Variants in GABRB3 observed in about 807,000 individuals in gnomAD.
GABRB3 encodes the protein gamma-aminobutyric acid type A receptor subunit beta3.
Under a neutral mutation model 52.1 loss-of-function variants are expected in GABRB3, and 14 were observed. That is an observed-to-expected ratio of 0.27 (90% CI 0.18 to 0.42). GABRB3 has a LOEUF of 0.42. Ranked by LOEUF, GABRB3 falls within the 10% of genes least tolerant of loss-of-function variation. The pLI is 1.00. For missense variants in GABRB3, 307 were observed against 609.1 expected (o/e 0.50, Z 5.22); for synonymous variants, 260 against 232.3 (o/e 1.12, Z -1.08).
At chr15:26,696,715 G>A (rs8039400) in intron 3 of GABRB3, among the ~76,000 whole-genome samples, 3,639 of 152,150 alleles carry the variant, frequency 0.024, 142 homozygotes, top group African/African-American at 0.083. Context: ...CTTTTGCCAC[G>A]TCGACCCATT....
intron 3 of GABRB3, among the ~76,000 whole-genome samples, chr15:26,664,021 T>TA (rs1255982432): frequency 2.6e-5 from 4 of 152,200 alleles, no homozygotes; most frequent in African/African-American, 9.6e-5. Context: ...TCCCATCTTT[T>TA]AAAATAGAAA....
chr15:26,734,517 T>C (rs1238764275), intron 3 of GABRB3, among the ~76,000 whole-genome samples: 1 of 151,966 alleles, frequency 6.6e-6, no homozygotes, highest in Non-Finnish European at 1.5e-5. Context: ...AGGTGGCTCA[T>C]GCCTGCAATC....
chr15:26,680,350 T>A (rs916459287), intron 3 of GABRB3, among the ~76,000 whole-genome samples: 1 of 152,186 alleles, frequency 6.6e-6, no homozygotes, highest in African/African-American at 2.4e-5. Context: ...GACAGGCACT[T>A]TATCACTCTT....
chr15:26,563,541 G>A (rs1890061596), intron 7 of GABRB3, among the ~76,000 whole-genome samples: 1 of 152,212 alleles, frequency 6.6e-6, no homozygotes, highest in Non-Finnish European at 1.5e-5. Context: ...GCCCAGCTCT[G>A]CCTCTGTGGG....
intron 3 of GABRB3, among the ~76,000 whole-genome samples, chr15:26,749,639 G>A (rs1195860263): frequency 6.6e-6 from 1 of 152,198 alleles, no homozygotes; most frequent in Non-Finnish European, 1.5e-5. Flanking sequence ...CTGCTGAAAC[G>A]AGGAGGAAGT....
At chr15:26,617,618 C>T (rs1892307394) in intron 4 of GABRB3, among the ~76,000 whole-genome samples, 2 of 151,560 alleles carry the variant, frequency 1.3e-5, no homozygotes, top group African/African-American at 4.9e-5. Flanking sequence ...ACAGGGATGC[C>T]CTCTCTCACC....
At chr15:26,699,512 T>G (rs1888857999) in intron 3 of GABRB3, among the ~76,000 whole-genome samples, 1 of 151,556 alleles carries the variant, frequency 6.6e-6, no homozygotes, top group African/African-American at 2.4e-5. Context: ...AACTCAAAAC[T>G]TTTTTAAATG....
In GABRB3 at chr15:26,772,604, G is replaced by A. The variant is rs1486613068; in HGVS notation, c.172+77C>T. 23 of 1,436,192 alleles carry A rather than the reference G, an allele frequency of 1.6e-5. No individual in the cohort carries two copies. In the Middle Eastern group the frequency reaches 5.5e-4, roughly 34 times the overall value. 89.0% of individuals were successfully genotyped at this position (1,436,192 alleles called of 1,614,324 possible). On this transcript the variant is annotated intron_variant, in intron 2 of 8. Coordinates refer to ENST00000311550, the MANE Select transcript of GABRB3 (RefSeq NM_000814.6). ...CCACCCGCCGCTGCTCCGCGGATGC[G>A]GCCCCCGCCTCCCTCCGCCCAGGCC...
intron 3 of GABRB3, among the ~76,000 whole-genome samples, chr15:26,763,705 C>G (rs1192639867): frequency 6.6e-6 from 1 of 151,270 alleles, no homozygotes; most frequent in African/African-American, 2.4e-5. Context: ...ATTGTAAAGT[C>G]TTATTCAAAA....
chr15:26,603,139 T>A (rs913599914), intron 4 of GABRB3, among the ~76,000 whole-genome samples: 2 of 151,926 alleles, frequency 1.3e-5, no homozygotes, highest in Non-Finnish European at 2.9e-5. Flanking sequence ...AAGCAACTAT[T>A]TACCAATAAA....
intron 4 of GABRB3, chr15:26,616,126 G>T: frequency 8.0e-7 from 1 of 1,254,102 alleles, no homozygotes; most frequent in Non-Finnish European, 1.0e-6. Context: ...GGCCTGCCAT[G>T]TCACCATCCA....
At position 26,716,921 on chromosome 15, in the gene GABRB3, GGGGACCTCCACCCAACC is replaced by G. The variant is rs1368685489; in HGVS notation, c.240+55464_240+55480del. On this transcript the variant is annotated intron_variant, in intron 3 of 8. Coordinates refer to ENST00000311550, the MANE Select transcript of GABRB3 (RefSeq NM_000814.6). ...CTCCACCCAACCACAGCCTAGCTCT[GGGGACCTCCACCCAACC>G]ACAGCCCAGCTCTGAGGACCTCCAC... is the stretch of plus-strand genomic sequence containing the variant. 1.1e-4 allele frequency among the ~76,000 whole-genome samples: 15 copies of G among 138,450 alleles called. 1 individual carries two copies. The East Asian group carries it at 1.2e-3, about 11-fold the overall frequency. 90.8% of individuals were successfully genotyped at this position (138,450 alleles called of 152,430 possible). A position where few individuals can be genotyped will look rare whatever the true frequency, so the allele number is the denominator to read the frequency against.
intron 3 of GABRB3, among the ~76,000 whole-genome samples, chr15:26,627,280 A>G (rs1045097572): frequency 6.6e-6 from 1 of 151,350 alleles, no homozygotes; most frequent in African/African-American, 2.4e-5. Context: ...GCTCTAATGG[A>G]TATGTACAAA....
intron 3 of GABRB3, among the ~76,000 whole-genome samples, chr15:26,694,959 G>A (rs1009549771): frequency 6.6e-6 from 1 of 152,002 alleles, no homozygotes; most frequent in Non-Finnish European, 1.5e-5. Flanking sequence ...ACATAGCTGG[G>A]GAAAGAATCA....
Position 26,559,109 on chromosome 15 carries a change from C to T in GABRB3, c.1080+1823G>A, listed in dbSNP as rs149650245. 7.6e-3 allele frequency among the ~76,000 whole-genome samples: 1,164 copies of T among 152,300 alleles called. 16 individuals are homozygous for T. Among genetic ancestry groups the T allele is most frequent in the African/African-American group, 0.027 (1,123 of 41,572 alleles). ...CATGATCCAATCATCTCCCACCAGG[C>T]CCCACCTCCAACACTGGGGATTACA... is the stretch of plus-strand genomic sequence containing the variant. On this transcript the variant is annotated intron_variant, in intron 8 of 8. Coordinates refer to ENST00000311550, the MANE Select transcript of GABRB3 (RefSeq NM_000814.6).
intron 6 of GABRB3, among the ~76,000 whole-genome samples, chr15:26,574,969 C>G (rs1890543036): frequency 6.6e-6 from 1 of 152,172 alleles, no homozygotes; most frequent in Non-Finnish European, 1.5e-5. Context: ...TTCACATCAA[C>G]TATAAGACAT....
chr15:26,620,654 T>C (rs1477776202), intron 4 of GABRB3, among the ~76,000 whole-genome samples: 4 of 152,156 alleles, frequency 2.6e-5, no homozygotes, highest in Non-Finnish European at 4.4e-5. Context: ...AAGAGCACCA[T>C]TTAGCAAGGT....
intron 6 of GABRB3, among the ~76,000 whole-genome samples, chr15:26,575,761 C>G (rs1020763818): frequency 5.3e-5 from 8 of 152,168 alleles, no homozygotes; most frequent in African/African-American, 1.9e-4. Flanking sequence ...CATATCTTAA[C>G]TGAAATGTCT....
At chr15:26,740,878 C>T (rs1890187019) in intron 3 of GABRB3, among the ~76,000 whole-genome samples, 1 of 152,096 alleles carries the variant, frequency 6.6e-6, no homozygotes, top group South Asian at 2.1e-4. Flanking sequence ...TAAGACACCT[C>T]CCAGGTTCCC....
Sources: gnomAD v4.1 joint callset for allele counts (sites outside exome capture counted in the v4.1 genomes callset) on GRCh38, gnomAD v4.1.1 for gene constraint, MANE v1.5 for transcripts, NCBI Gene and HGNC (gene_info 2026-07-23, HGNC 2026-07-21) for gene names.